LOXHD1: variants seen among roughly 807,000 people sequenced by gnomAD.
LOXHD1 encodes the protein lipoxygenase homology domain-containing protein 1.
LOXHD1 carries 205 observed loss-of-function variants against 248.2 expected under a neutral mutation model. The observed-to-expected ratio is 0.83, with a 90% CI of 0.74 to 0.93. The LOEUF (loss-of-function observed/expected upper bound fraction) is 0.93. LOXHD1 is among the 40% of genes least tolerant of loss of function. The pLI is 0.00. For missense variants in LOXHD1, 2,930 were observed against 2,971.6 expected, an observed-to-expected ratio of 0.99 and a Z score of 0.33; for synonymous variants, 1,113 against 1,162.8, an observed-to-expected ratio of 0.96 and a Z score of 0.87.
chr18:46,630,693 G>A (rs1280633277), intron 4 of LOXHD1, among the ~76,000 whole-genome samples: 1 of 152,192 alleles, frequency 6.6e-6, no homozygotes, highest in Non-Finnish European at 1.5e-5. Context: ...GGGCAACTCT[G>A]CAGTGGGCTT....
chr18:46,480,918 T>C (rs1167234304), intron 40 of LOXHD1, among the ~76,000 whole-genome samples: 1 of 152,176 alleles, frequency 6.6e-6, no homozygotes, highest in Non-Finnish European at 1.5e-5. Context: ...TAAAGGTGTT[T>C]TCAGTTAAAA....
intron 4 of LOXHD1, among the ~76,000 whole-genome samples, chr18:46,628,321 G>T (rs1263871111): frequency 1.3e-5 from 2 of 152,162 alleles, no homozygotes; most frequent in Non-Finnish European, 2.9e-5. Flanking sequence ...GGGTGGGCGG[G>T]GAGCTGCTGT....
chr18:46,525,608 GA>G (rs1736272278), intron 29 of LOXHD1, among the ~76,000 whole-genome samples: 1 of 152,146 alleles, frequency 6.6e-6, no homozygotes, highest in African/African-American at 2.4e-5. Flanking sequence ...CTTGTGTGCT[GA>G]TTCTTTGAGG....
At chr18:46,525,305 G>T (rs968380280) in intron 29 of LOXHD1, among the ~76,000 whole-genome samples, 1 of 152,194 alleles carries the variant, frequency 6.6e-6, no homozygotes, top group African/African-American at 2.4e-5. Context: ...GAGCATTGGG[G>T]ATAAGTCCAG....
Position 46,524,824 on chromosome 18 carries a change from C to A in LOXHD1, c.4624G>T (p.Val1542Leu). The A allele has an allele frequency of 6.4e-7, 1 of 1,551,794 alleles. No homozygotes were observed. The highest frequency in any genetic ancestry group is 8.7e-7 in the Non-Finnish European group (1 of 1,147,016). Residue 1542 changes from valine to leucine, a missense_variant, in exon 30 of 41, where the codon GTG (valine) becomes TTG (leucine). Physicochemically the swap from Val to Leu is conservative, Grantham distance 32. Coordinates refer to ENST00000642948, the MANE Select transcript of LOXHD1 (RefSeq NM_001384474.1). ...DNSKWCADWY[V>L]EKVEIWNDTN... ...TCATTCCAGATCTCCACCTTCTCCA[C>A]GTACCAGTCTGCGCACCACTTGGAG...
At chr18:46,550,579 CAAAAAAAAAAA>C (rs754046200) in intron 21 of LOXHD1, among the ~76,000 whole-genome samples, 3 of 45,468 alleles carry the variant, frequency 6.6e-5, no homozygotes, top group South Asian at 1.3e-3. Context: ...GACTCCGTCT[CAAAAAAAAAAA>C]AAAAAAAAAA....
chr18:46,654,028 A>C (rs2039146874), intron 1 of LOXHD1, among the ~76,000 whole-genome samples: 1 of 152,272 alleles, frequency 6.6e-6, no homozygotes, highest in Non-Finnish European at 1.5e-5. Context: ...CCATTGTGAT[A>C]GTATTAAGGG....
intron 38 of LOXHD1, 35 bp from the exon 39 acceptor site, chr18:46,485,186 G>C: frequency 6.5e-7 from 1 of 1,533,162 alleles, no homozygotes; most frequent in Non-Finnish European, 8.8e-7. Context: ...GTCAGCACAG[G>C]GGAAGCAGTG....
intron 31 of LOXHD1, among the ~76,000 whole-genome samples, chr18:46,524,076 C>T (rs370979271): frequency 2.0e-5 from 3 of 152,178 alleles, no homozygotes; most frequent in African/African-American, 7.2e-5. Flanking sequence ...CAAGGCCACA[C>T]ATTTTATTTT....
intron 3 of LOXHD1, 64 bp from the exon 4 acceptor site, chr18:46,639,864 G>A: frequency 6.6e-7 from 1 of 1,525,156 alleles, no homozygotes; most frequent in Non-Finnish European, 8.9e-7. Flanking sequence ...CTTCCATACT[G>A]GAATACCCAG....
intron 21 of LOXHD1, among the ~76,000 whole-genome samples, chr18:46,554,493 T>A (rs940517907): frequency 2.2e-4 from 33 of 152,218 alleles, no homozygotes; most frequent in Admixed American, 1.6e-3. Flanking sequence ...TGAACTTCTA[T>A]AATTTTTTGT....
At chr18:46,509,468 C>A (rs2034809017) in intron 35 of LOXHD1, 1 of 571,972 alleles carries the variant, frequency 1.7e-6, no homozygotes, top group Non-Finnish European at 3.2e-6. Context: ...GTTGACAGCT[C>A]TTGTTTAATT....
chr18:46,548,143 G>A lies in LOXHD1; in HGVS notation c.3351-1085C>T, dbSNP rs148074508. 1.9e-3 allele frequency among the ~76,000 whole-genome samples: 282 copies of A among 150,842 alleles called. 1 individual carries two copies. The highest frequency in any genetic ancestry group is 6.6e-3 in the African/African-American group (271 of 40,878). ...TGGCCCATGCCTGGGATCTCTGGAC[G>A]CTGTGGTCTGGGAATATCCTCTCTG... is the stretch of plus-strand genomic sequence containing the variant. On this transcript the variant is annotated intron_variant, in intron 21 of 40. Transcript: ENST00000642948.
chr18:46,592,510 C>A lies in LOXHD1; in HGVS notation c.1506G>T (p.Trp502Cys). 1 of 1,551,418 alleles carries A rather than the reference C, an allele frequency of 6.4e-7. No individual in the cohort carries two copies. The highest frequency in any genetic ancestry group is 8.7e-7 in the Non-Finnish European group (1 of 1,146,762). ...WHDKRSSGSG[W>C]HLERMTLMNT... ...TGGTGCATCTCACCCTTTCTAAATGCCATCCAGAACCAGAACTCCTTTTAT... is the reference window on the plus strand; with the variant it reads ...TGGTGCATCTCACCCTTTCTAAATGACATCCAGAACCAGAACTCCTTTTAT... The change falls in exon 11 of 41, where the codon TGG (tryptophan) becomes TGT (cysteine). Residue 502 changes from tryptophan to cysteine, a missense_variant. By Grantham distance (215) the Trp-to-Cys change is radical. Coordinates refer to ENST00000642948, the MANE Select transcript of LOXHD1 (RefSeq NM_001384474.1).
intron 1 of LOXHD1, among the ~76,000 whole-genome samples, chr18:46,654,642 T>C (rs1041551145): frequency 2.0e-5 from 3 of 152,180 alleles, no homozygotes; most frequent in Admixed American, 2.0e-4. Context: ...CTTCCCTCCT[T>C]CTTCCTCCCC....
chr18:46,585,913 A>T (rs753031871), intron 12 of LOXHD1, among the ~76,000 whole-genome samples: 7 of 152,222 alleles, frequency 4.6e-5, no homozygotes, highest in Non-Finnish European at 8.8e-5. Context: ...ACTCTTAGGT[A>T]TATGCTCAAG....
Position 46,477,344 on chromosome 18 carries a change from G to T in LOXHD1, c.*128C>A. On this transcript the variant is annotated 3_prime_UTR_variant, in exon 41 of 41. Coordinates refer to ENST00000642948, the MANE Select transcript of LOXHD1 (RefSeq NM_001384474.1). Reference sequence around the variant, plus strand: ...GGTAGGGTGGGGAGCAGGACCCCATGAAGTTCTCAGTGGACTGCTAGCCCC... The same window carrying T: ...GGTAGGGTGGGGAGCAGGACCCCATTAAGTTCTCAGTGGACTGCTAGCCCC... The T allele has an allele frequency of 1.6e-6, 2 of 1,289,674 alleles. No individual in the cohort carries two copies. The highest frequency in any genetic ancestry group is 2.2e-6 in the Non-Finnish European group (2 of 914,562). 79.9% of individuals were successfully genotyped at this position (1,289,674 alleles called of 1,614,324 possible). A position where few individuals can be genotyped will look rare whatever the true frequency, so the allele number is the denominator to read the frequency against.
chr18:46,548,711 G>A (rs921505590), intron 21 of LOXHD1, among the ~76,000 whole-genome samples: 1 of 152,166 alleles, frequency 6.6e-6, no homozygotes, highest in Non-Finnish European at 1.5e-5. Context: ...CAGAGGTGGA[G>A]ACAGAGTGTG....
intron 13 of LOXHD1, among the ~76,000 whole-genome samples, chr18:46,578,244 G>A (rs889303844): frequency 4.6e-5 from 7 of 152,162 alleles, no homozygotes; most frequent in South Asian, 2.1e-4. Context: ...AATTGATTAC[G>A]GGGACTAAGT....
Sources: allele counts gnomAD v4.1 joint callset (sites outside exome capture counted in the v4.1 genomes callset), GRCh38; gene constraint gnomAD v4.1.1; transcripts MANE v1.5; gene names NCBI Gene and HGNC (gene_info 2026-07-23, HGNC 2026-07-21).